TLL1: variants seen among roughly 807,000 people sequenced by gnomAD.
TLL1 encodes the protein tolloid-like protein 1.
Under a neutral mutation model 128.2 loss-of-function variants are expected in TLL1, and 49 were observed. The ratio of observed to expected loss-of-function variants is 0.38; its 90% CI spans 0.30 to 0.48. TLL1 has a LOEUF of 0.48. Among genes scored for constraint, TLL1 ranks in the 20% least tolerant of loss-of-function variants. TLL1 has a pLI of 0.96. For synonymous variants in TLL1, 454 were observed against 418.8 expected (o/e 1.08, Z -1.03); for missense variants, 1,123 against 1,242.0 (o/e 0.90, Z 1.44).
intron 18 of TLL1, among the ~76,000 whole-genome samples, chr4:166,087,858 A>C (rs1741595353): frequency 6.6e-6 from 1 of 151,990 alleles, no homozygotes; most frequent in South Asian, 2.1e-4. Context: ...GTTCAATTTT[A>C]TTTCTTTTGA....
chr4:165,937,949 A>AT (rs1733841197), intron 1 of TLL1, among the ~76,000 whole-genome samples: 1 of 143,712 alleles, frequency 7.0e-6, no homozygotes, highest in Non-Finnish European at 1.5e-5. Context: ...CCATAGGATT[A>AT]TTTTTTCTTT....
chr4:165,962,891 C>CTTAGGTACTCATGAATG, intron 1 of TLL1, among the ~76,000 whole-genome samples: 5 of 151,264 alleles, frequency 3.3e-5, no homozygotes. Context: ...CCATGTCTCC[C>CTTAGGTACTCATGAATG]TAAAAGTACA....
intron 1 of TLL1, among the ~76,000 whole-genome samples, chr4:165,962,015 G>T (rs1735130593): frequency 6.6e-6 from 1 of 151,902 alleles, no homozygotes; most frequent in African/African-American, 2.4e-5. Context: ...TCTTGACATT[G>T]GCAAAAAATT....
chr4:166,087,064 T>C (rs931274291), intron 18 of TLL1, among the ~76,000 whole-genome samples: 1 of 152,172 alleles, frequency 6.6e-6, no homozygotes, highest in Non-Finnish European at 1.5e-5. Context: ...TTTTATCCTG[T>C]CTTGGTTCTG....
At chr4:166,031,839 G>A (rs1473260365) in intron 9 of TLL1, among the ~76,000 whole-genome samples, 1 of 152,066 alleles carries the variant, frequency 6.6e-6, no homozygotes, top group Non-Finnish European at 1.5e-5. Context: ...AGGAGTAGAA[G>A]GAATTTTTTA....
intron 1 of TLL1, among the ~76,000 whole-genome samples, chr4:165,876,190 C>T (rs549731819): frequency 6.6e-6 from 1 of 152,250 alleles, no homozygotes; most frequent in Non-Finnish European, 1.5e-5. Flanking sequence ...AAATTATCTA[C>T]CCTGCTTTTG....
intron 18 of TLL1, among the ~76,000 whole-genome samples, chr4:166,083,897 A>G (rs1741391815): frequency 6.6e-6 from 1 of 152,142 alleles, no homozygotes; most frequent in Non-Finnish European, 1.5e-5. Context: ...TCTTTTTGAT[A>G]TATACCCAGT....
At position 166,091,265 on chromosome 4, in the gene TLL1, T is replaced by C. The variant is rs759822493; in HGVS notation, c.2580T>C (p.Thr860=). The C allele has an allele frequency of 6.8e-6, 11 of 1,613,228 alleles. 1 individual carries two copies. In the South Asian group the frequency reaches 9.9e-5, roughly 14 times the overall value. The change falls in exon 19 of 21, where the codon ACT becomes ACC. Residue 860 remains threonine (T), a synonymous_variant. Transcript: ENST00000061240. ...AGATACCAGATCCCCTTGTGGCTAC[T>C]GGAAATAAAATGTTTGTTCGGTTTG... ...GNKIPDPLVA[T]GNKMFVRFVS...
At chr4:165,966,973 G>A (rs1028134118) in intron 1 of TLL1, among the ~76,000 whole-genome samples, 4 of 152,144 alleles carry the variant, frequency 2.6e-5, no homozygotes, top group African/African-American at 4.8e-5. Flanking sequence ...GCCTGGGGGC[G>A]CTACAGAAGA....
chr4:165,985,915 C>T (rs1254852450), intron 1 of TLL1, among the ~76,000 whole-genome samples: 2 of 151,726 alleles, frequency 1.3e-5, no homozygotes, highest in Non-Finnish European at 2.9e-5. Flanking sequence ...AGCTCCAACC[C>T]CCTATTTGAC....
intron 18 of TLL1, among the ~76,000 whole-genome samples, chr4:166,090,777 C>A (rs1445768396): frequency 2.0e-5 from 3 of 151,990 alleles, no homozygotes; most frequent in Non-Finnish European, 4.4e-5. Context: ...AGGACCCAAT[C>A]TTTTAATATG....
rs548330596 is a variant in TLL1 at position 165,954,392 on chromosome 4, T to C, written c.170-34989T>C. 6.6e-5 allele frequency among the ~76,000 whole-genome samples: 10 copies of C among 152,166 alleles called. No homozygotes were observed. The South Asian group carries it at 2.1e-3, about 31-fold the overall frequency. On this transcript the variant is annotated intron_variant, in intron 1 of 20. Transcript: ENST00000061240. ...AAATATTGATGGGCTTATAAAAAGA[T>C]AAATGGAAAAAATTATGACCACAAA...
chr4:165,934,794 A>C (rs968799637), intron 1 of TLL1, among the ~76,000 whole-genome samples: 1 of 152,210 alleles, frequency 6.6e-6, no homozygotes, highest in Non-Finnish European at 1.5e-5. Context: ...TGTTTGTCAC[A>C]ATGGCCGTAG....
At chr4:165,979,824 A>G (rs998091667) in intron 1 of TLL1, among the ~76,000 whole-genome samples, 1 of 152,136 alleles carries the variant, frequency 6.6e-6, no homozygotes, top group African/African-American at 2.4e-5. Context: ...CAAAGATTTG[A>G]GGCAAATTTT....
intron 1 of TLL1, among the ~76,000 whole-genome samples, chr4:165,895,071 C>T (rs998569435): frequency 6.6e-6 from 1 of 151,984 alleles, no homozygotes; most frequent in Non-Finnish European, 1.5e-5. Context: ...TTGATCTTCA[C>T]ATGTTAATTT....
intron 1 of TLL1, among the ~76,000 whole-genome samples, chr4:165,900,348 G>GCA (rs1731919931): frequency 6.6e-6 from 1 of 152,000 alleles, no homozygotes. Flanking sequence ...TTTACAATTT[G>GCA]GTATGTTTTT....
chr4:165,957,210 A>G (rs1026736524), intron 1 of TLL1, among the ~76,000 whole-genome samples: 1 of 152,098 alleles, frequency 6.6e-6, no homozygotes, highest in Non-Finnish European at 1.5e-5. Context: ...TTGTTCTTAC[A>G]TTAGACAAAA....
chr4:166,059,514 G>C (rs543360996), intron 14 of TLL1, among the ~76,000 whole-genome samples: 25 of 152,174 alleles, frequency 1.6e-4, no homozygotes, highest in African/African-American at 6.0e-4. Context: ...GGTAGCTCAG[G>C]TAATATTGAG....
intron 12 of TLL1, among the ~76,000 whole-genome samples, chr4:166,044,830 A>G (rs115880026): frequency 1.1e-4 from 17 of 152,208 alleles, no homozygotes. Flanking sequence ...TTAATATGTA[A>G]TTCAGTTTTT....
Sources: allele counts gnomAD v4.1 joint callset (sites outside exome capture counted in the v4.1 genomes callset), GRCh38; gene constraint gnomAD v4.1.1; transcripts MANE v1.5; gene names NCBI Gene and HGNC (gene_info 2026-07-23, HGNC 2026-07-21).